The following WDR76 variants were observed in gnomAD, a reference collection of about 807,000 sequenced individuals.
The protein encoded by WDR76 is WD repeat-containing protein 76.
WDR76 carries 52 observed loss-of-function variants against 70.2 expected under a neutral mutation model. The observed-to-expected ratio is 0.74, with a 90% CI of 0.59 to 0.93. The LOEUF is 0.93. WDR76 is among the 40% of genes least tolerant of loss of function. WDR76 has a pLI of 0.00. For missense variants in WDR76, 756 were observed against 760.2 expected (o/e 0.99, Z 0.07); for synonymous variants, 292 against 271.1 (o/e 1.08, Z -0.76).
rs367740612 is a variant in WDR76, at chr15:43,828,319, G to A, written c.415G>A (p.Glu139Lys). The change falls in exon 2 of 13, where the codon GAA (glutamate) becomes AAA (lysine). Residue 139 changes from glutamate (E) to lysine (K), a missense_variant. Physicochemically the swap from Glu to Lys is moderately conservative, Grantham distance 56 (BLOSUM62 1). Transcript: ENST00000263795. ...ADAMNLSVDV[E>K]SSQDGDSDED... The stretch of plus-strand genomic sequence containing the variant: ...TGCGATGAATCTCAGTGTTGATGTG[G>A]AAAGTAGTCAGGATGGAGACAGTGA... 8.1e-6 allele frequency: 13 copies of A among 1,613,976 alleles called. No individual in the cohort carries two copies. In the South Asian group the frequency reaches 1.1e-4, roughly 14 times the overall value.
rs747962515 is a variant in WDR76 at position 43,851,217 on chromosome 15, G to A, written c.1163G>A (p.Gly388Glu). 1 of 1,614,054 alleles carries A rather than the reference G, an allele frequency of 6.2e-7. No homozygotes were observed. The highest frequency in any genetic ancestry group is 1.1e-5 in the South Asian group (1 of 91,046). The change falls in exon 9 of 13, where the codon GGG becomes GAG. Residue 388 changes from glycine (G) to glutamate (E), a missense_variant. Transcript: ENST00000263795. ...AGCTATGATGGCACGTTACGCTGTG[G>A]GGATTTTTCCAGGGCTATTTTTGAA... Reference protein sequence around the residue: ...SLSYDGTLRCGDFSRAIFEEV... With the variant: ...SLSYDGTLRCEDFSRAIFEEV...
At chr15:43,848,932 T>C (rs1271273127) in intron 8 of WDR76, among the ~76,000 whole-genome samples, 1 of 141,336 alleles carries the variant, frequency 7.1e-6, no homozygotes, top group African/African-American at 2.7e-5. Context: ...AGTTGAGACT[T>C]TTTTTTTTTT....
chr15:43,842,300 T>A, intron 5 of WDR76, 115 bp from the exon 6 acceptor site: 2 of 789,376 alleles, frequency 2.5e-6, no homozygotes, highest in Non-Finnish European at 4.1e-6. Flanking sequence ...ATGCCACCAT[T>A]ACTGTTGATG....
chr15:43,857,085 C>G lies in WDR76; in HGVS notation c.1331C>G (p.Thr444Ser), dbSNP rs779575395. ...RTPGTSYEKL[T>S]SSSMGKIRTV... ...CCTGGAACTTCTTATGAGAAACTTA[C>G]CAGTTCTTCTATGGGAAAAATAAGA... The change falls in exon 10 of 13, where the codon ACC becomes AGC. Residue 444 changes from threonine to serine, a missense_variant. Physicochemically the swap from Thr to Ser is moderately conservative, Grantham distance 58. Coordinates refer to ENST00000263795, the MANE Select transcript of WDR76 (RefSeq NM_024908.4). 1.5e-5 allele frequency: 25 copies of G among 1,613,960 alleles called. No individual in the cohort carries two copies. Among genetic ancestry groups the G allele is most frequent in the Admixed American group, 6.7e-5 (4 of 59,992 alleles).
chr15:43,858,581 G>A, intron 10 of WDR76, 90 bp from the exon 11 acceptor site: 3 of 1,492,406 alleles, frequency 2.0e-6, no homozygotes, highest in Non-Finnish European at 2.7e-6. Context: ...AGTATAGCAA[G>A]TATGTGAGTG....
At chr15:43,845,355 G>C (rs2087775832) in intron 8 of WDR76, among the ~76,000 whole-genome samples, 1 of 150,206 alleles carries the variant, frequency 6.7e-6, no homozygotes, top group African/African-American at 2.4e-5. Context: ...ATGGTATTAG[G>C]AGGTAGGACC....
chr15:43,863,169 C>T (rs1178072705), intron 12 of WDR76, among the ~76,000 whole-genome samples: 3 of 152,082 alleles, frequency 2.0e-5, no homozygotes, highest in Non-Finnish European at 2.9e-5. Flanking sequence ...AACTTCTGGC[C>T]TCAAGTGATC....
At chr15:43,850,023 A>G (rs2140307129) in intron 8 of WDR76, among the ~76,000 whole-genome samples, 1 of 152,224 alleles carries the variant, frequency 6.6e-6, no homozygotes, top group East Asian at 1.9e-4. Context: ...CTTTTAAAGA[A>G]TACTTCTCTC....
chr15:43,850,597 T>G (rs2087845846), intron 8 of WDR76, among the ~76,000 whole-genome samples: 1 of 152,092 alleles, frequency 6.6e-6, no homozygotes, highest in Non-Finnish European at 1.5e-5. Context: ...GCCCGGCCAT[T>G]TTTATGGTGC....
intron 5 of WDR76, among the ~76,000 whole-genome samples, chr15:43,841,512 G>T (rs2087725667): frequency 6.6e-6 from 1 of 152,010 alleles, no homozygotes; most frequent in Admixed American, 6.6e-5. Context: ...GCTAATTTTT[G>T]TATTTTTAGT....
intron 4 of WDR76, 72 bp from the exon 5 acceptor site, chr15:43,839,533 T>A: frequency 6.9e-7 from 1 of 1,458,288 alleles, no homozygotes; most frequent in Non-Finnish European, 9.2e-7. Flanking sequence ...TCCTAGAAGT[T>A]ATCTCTTTAG....
At chr15:43,863,690 G>A (rs2088034680) in intron 12 of WDR76, among the ~76,000 whole-genome samples, 1 of 152,152 alleles carries the variant, frequency 6.6e-6, no homozygotes, top group African/African-American at 2.4e-5. Flanking sequence ...CTCCCAAGTA[G>A]ATGGGACTTC....
intron 4 of WDR76, 96 bp downstream of exon 4, chr15:43,836,312 C>G (rs2087656170): frequency 1.9e-6 from 2 of 1,075,700 alleles, no homozygotes; most frequent in African/African-American, 1.6e-5. Context: ...CTTAACAGAT[C>G]ATAAAGTGCT....
In WDR76 at chr15:43,858,693, A is replaced by T; in HGVS notation, c.1432A>T (p.Arg478Trp). 6.2e-7 allele frequency: 1 copy of T among 1,614,078 alleles called. No individual in the cohort carries two copies. Among genetic ancestry groups the T allele is most frequent in the Non-Finnish European group, 8.5e-7 (1 of 1,179,994 alleles). Residue 478 changes from arginine to tryptophan, a missense_variant, in exon 11 of 13, where the codon AGG becomes TGG. By Grantham distance (101) the Arg-to-Trp change is moderately radical. Transcript: ENST00000263795. ...CAGGGATACTCATATTTATGATGCA[A>T]GGCGATTGAATTCCAGGAGAAGTCA... is the stretch of plus-strand genomic sequence containing the variant. ...GLRDTHIYDA[R>W]RLNSRRSQPL...
intron 9 of WDR76, among the ~76,000 whole-genome samples, chr15:43,851,739 G>A (rs1424665684): frequency 6.6e-6 from 1 of 152,190 alleles, no homozygotes; most frequent in Non-Finnish European, 1.5e-5. Context: ...TTCCAGACCA[G>A]CCTGGGCAAC....
Position 43,827,867 on chromosome 15 carries a change from T to C in WDR76, c.61-98T>C, listed in dbSNP as rs552342212. Reference sequence around the variant, plus strand: ...GCCTCAATTTGGATTTATATTGTCTTTGGGAAATGGGAATTATTAGATCTG... The same window carrying C: ...GCCTCAATTTGGATTTATATTGTCTCTGGGAAATGGGAATTATTAGATCTG... On this transcript the variant is annotated intron_variant, in intron 1 of 12. Coordinates refer to ENST00000263795, the MANE Select transcript of WDR76 (RefSeq NM_024908.4). 6.2e-6 allele frequency: 8 copies of C among 1,299,270 alleles called. No homozygotes were observed. The South Asian group carries it at 1.1e-4, about 18-fold the overall frequency. 80.5% of individuals were successfully genotyped at this position (1,299,270 alleles called of 1,614,324 possible).
At chr15:43,861,289 G>C in intron 11 of WDR76, 44 bp from the exon 12 acceptor site, 2 of 1,514,188 alleles carry the variant, frequency 1.3e-6, no homozygotes, top group Non-Finnish European at 1.8e-6. Flanking sequence ...ATTTCAGAAA[G>C]TTTTTAAGTA....
chr15:43,860,457 G>C lies in WDR76; in HGVS notation c.1563-876G>C, dbSNP rs1595454372. Among the ~76,000 whole-genome samples, 3 of 152,280 alleles carry C rather than the reference G, an allele frequency of 2.0e-5. No homozygotes were observed. In the East Asian group the frequency reaches 5.8e-4, roughly 29 times the overall value. On this transcript the variant is annotated intron_variant, in intron 11 of 12. Coordinates refer to ENST00000263795, the MANE Select transcript of WDR76 (RefSeq NM_024908.4). ...TTTTACAGTTCAGATGATCGCTTTA[G>C]AATGGGCATTTTATTTCTATTCATT...
intron 8 of WDR76, among the ~76,000 whole-genome samples, chr15:43,845,340 TC>T (rs2140304318): frequency 6.7e-6 from 1 of 150,350 alleles, no homozygotes; most frequent in South Asian, 2.1e-4. Context: ...GAAATACTAA[TC>T]CCTATGGTAT....
Sources: gnomAD v4.1 joint callset for allele counts (sites outside exome capture counted in the v4.1 genomes callset) on GRCh38, gnomAD v4.1.1 for gene constraint, MANE v1.5 for transcripts, NCBI Gene and HGNC (gene_info 2026-07-23, HGNC 2026-07-21) for gene names.